The following PTPRD variants were observed in gnomAD, a reference collection of about 807,000 sequenced individuals.
The protein encoded by PTPRD is protein tyrosine phosphatase receptor type D, also known as receptor-type tyrosine-protein phosphatase delta.
PTPRD carries 34 observed loss-of-function variants against 214.5 expected under a neutral mutation model. The ratio of observed to expected loss-of-function variants is 0.16; its 90% CI spans 0.12 to 0.21. The LOEUF is 0.21. Ranked by LOEUF, PTPRD falls within the 10% of genes least tolerant of loss-of-function variation. PTPRD has a pLI of 1.00. For missense variants in PTPRD, 2,545 were observed against 2,398.7 expected, an observed-to-expected ratio of 1.06 and a Z score of -1.27; for synonymous variants, 1,128 against 845.7, an observed-to-expected ratio of 1.33 and a Z score of -5.79.
intron 11 of PTPRD, among the ~76,000 whole-genome samples, chr9:8,822,867 T>C (rs551703269): frequency 2.6e-5 from 4 of 152,180 alleles, no homozygotes; most frequent in African/African-American, 9.6e-5. Flanking sequence ...TACGGCAATT[T>C]AACAGGTTAG....
intron 2 of PTPRD, among the ~76,000 whole-genome samples, chr9:10,413,149 T>C (rs997148906): frequency 2.0e-5 from 3 of 151,612 alleles, no homozygotes; most frequent in Admixed American, 6.6e-5. Flanking sequence ...AAAGAATCCA[T>C]ATAGGAAGAG....
chr9:9,838,640 A>G (rs1279425620), intron 5 of PTPRD, among the ~76,000 whole-genome samples: 3 of 152,054 alleles, frequency 2.0e-5, no homozygotes, highest in Non-Finnish European at 2.9e-5. Context: ...AATTTGTTTG[A>G]GTTCATTGTA....
At chr9:8,664,828 T>G (rs1476825838) in intron 12 of PTPRD, among the ~76,000 whole-genome samples, 2 of 152,222 alleles carry the variant, frequency 1.3e-5, no homozygotes, top group African/African-American at 4.8e-5. Flanking sequence ...TGCAATCTCT[T>G]GAGTCCCATG....
At chr9:8,984,638 T>A (rs2099330054) in intron 11 of PTPRD, among the ~76,000 whole-genome samples, 1 of 152,070 alleles carries the variant, frequency 6.6e-6, no homozygotes, top group South Asian at 2.1e-4. Flanking sequence ...CAGAAATAGA[T>A]TCAGTCAGTT....
intron 9 of PTPRD, among the ~76,000 whole-genome samples, chr9:9,361,535 T>C (rs1047482724): frequency 1.6e-4 from 24 of 151,046 alleles, no homozygotes; most frequent in African/African-American, 5.6e-4. Flanking sequence ...TTTTTTTTTA[T>C]TGATACATAA....
chr9:9,404,242 T>C (rs1392017792), intron 8 of PTPRD, among the ~76,000 whole-genome samples: 1 of 152,102 alleles, frequency 6.6e-6, no homozygotes, highest in Admixed American at 6.6e-5. Context: ...ATTATGGTTT[T>C]GTCTTAAACA....
chr9:9,766,067 T>A (rs2098704751), intron 6 of PTPRD, among the ~76,000 whole-genome samples: 1 of 152,232 alleles, frequency 6.6e-6, no homozygotes, highest in Admixed American at 6.5e-5. Flanking sequence ...ATTTTGTCAG[T>A]TGTCATCCTC....
At chr9:9,268,423 C>G (rs921352138) in intron 9 of PTPRD, among the ~76,000 whole-genome samples, 1 of 150,716 alleles carries the variant, frequency 6.6e-6, no homozygotes, top group Non-Finnish European at 1.5e-5. Flanking sequence ...TCATTATTGT[C>G]AAAACATACT....
At chr9:8,603,683 A>C (rs989342114) in intron 14 of PTPRD, among the ~76,000 whole-genome samples, 2 of 152,202 alleles carry the variant, frequency 1.3e-5, no homozygotes, top group Non-Finnish European at 2.9e-5. Context: ...GTTACTTATA[A>C]GGGAAGTTGA....
At chr9:9,781,616 C>A (rs894666487) in intron 5 of PTPRD, among the ~76,000 whole-genome samples, 3 of 152,112 alleles carry the variant, frequency 2.0e-5, no homozygotes, top group Non-Finnish European at 4.4e-5. Context: ...ACAGTAGGTG[C>A]TCAACAAGTG....
rs561611074 is a variant in PTPRD at position 9,742,427 on chromosome 9, T to A, written c.-325-7856A>T. Among the ~76,000 whole-genome samples the A allele has an allele frequency of 2.1e-3, 320 of 152,276 alleles. 1 individual carries two copies. The highest frequency in any genetic ancestry group is 7.2e-3 in the African/African-American group (298 of 41,554). Reference sequence around the variant, plus strand: ...TACTCAAATTAGAAGCATCATGTATTCAGTAATAAATGGTAATTTATAGAA... The same window carrying A: ...TACTCAAATTAGAAGCATCATGTATACAGTAATAAATGGTAATTTATAGAA... On this transcript the variant is annotated intron_variant, in intron 6 of 45. Transcript: ENST00000381196.
At chr9:9,905,310 T>C (rs941606866) in intron 5 of PTPRD, among the ~76,000 whole-genome samples, 29 of 152,016 alleles carry the variant, frequency 1.9e-4, no homozygotes, top group Admixed American at 1.3e-4. Flanking sequence ...ATCAGAATTA[T>C]ATTTCAGGTA....
intron 14 of PTPRD, among the ~76,000 whole-genome samples, chr9:8,534,034 T>TA (rs528015051): frequency 1.4e-3 from 213 of 152,128 alleles, no homozygotes; most frequent in African/African-American, 3.8e-3. Context: ...ATTAGAGACT[T>TA]AAAAAATGGC....
chr9:9,100,653 A>T (rs2099789980), intron 10 of PTPRD, among the ~76,000 whole-genome samples: 1 of 152,178 alleles, frequency 6.6e-6, no homozygotes, highest in Admixed American at 6.5e-5. Flanking sequence ...AAGCATCTTT[A>T]TAGGTAAAAG....
chr9:9,204,692 C>T (rs1462373795), intron 9 of PTPRD, among the ~76,000 whole-genome samples: 1 of 152,104 alleles, frequency 6.6e-6, no homozygotes, highest in Non-Finnish European at 1.5e-5. Flanking sequence ...CTGTTAAATG[C>T]AACTGAAAAG....
chr9:10,111,056 A>G (rs1288058105), intron 3 of PTPRD, among the ~76,000 whole-genome samples: 7 of 152,082 alleles, frequency 4.6e-5, no homozygotes, highest in Non-Finnish European at 7.3e-5. Flanking sequence ...GTATGGCTTT[A>G]TATACATTCT....
intron 11 of PTPRD, among the ~76,000 whole-genome samples, chr9:8,779,843 G>A (rs2095626108): frequency 1.3e-5 from 2 of 148,638 alleles, no homozygotes; most frequent in African/African-American, 5.0e-5. Flanking sequence ...TGGTCCTAAG[G>A]ATACTCCTTG....
At chr9:10,208,230 C>T (rs1442799114) in intron 3 of PTPRD, among the ~76,000 whole-genome samples, 4 of 152,238 alleles carry the variant, frequency 2.6e-5, no homozygotes, top group South Asian at 2.1e-4. Context: ...AGACTGAAAC[C>T]GCGGCGGGGC....
At chr9:9,240,170 T>C (rs1594319925) in intron 9 of PTPRD, among the ~76,000 whole-genome samples, 1 of 116,752 alleles carries the variant, frequency 8.6e-6, no homozygotes, top group African/African-American at 3.2e-5. Flanking sequence ...ATAAAAGATA[T>C]CTACTTAAAA....
Sources: gnomAD v4.1 joint callset for allele counts (sites outside exome capture counted in the v4.1 genomes callset) on GRCh38, gnomAD v4.1.1 for gene constraint, MANE v1.5 for transcripts, NCBI Gene and HGNC (gene_info 2026-07-23, HGNC 2026-07-21) for gene names.